SUGCT: variants seen among roughly 807,000 people sequenced by gnomAD.
The protein encoded by SUGCT is succinyl-CoA:glutarate CoA-transferase.
Under a neutral mutation model 55.0 loss-of-function variants are expected in SUGCT, and 41 were observed. The observed-to-expected ratio is 0.74, with a 90% CI of 0.58 to 0.97. The LOEUF is 0.97. Ranked by LOEUF, SUGCT falls within the 50% of genes least tolerant of loss-of-function variation. The probability of loss-of-function intolerance (pLI) is 0.00; values close to 1 mark genes in which losing one functional copy is unlikely to be tolerated. For missense variants in SUGCT, 568 were observed against 547.8 expected (o/e 1.04, Z -0.37); for synonymous variants, 187 against 200.4 (o/e 0.93, Z 0.56).
At chr7:40,339,151 G>A (rs1436318644) in intron 9 of SUGCT, among the ~76,000 whole-genome samples, 1 of 152,172 alleles carries the variant, frequency 6.6e-6, no homozygotes, top group Non-Finnish European at 1.5e-5. Context: ...GTGTCAGTCT[G>A]CCCCTACTGG....
intron 9 of SUGCT, among the ~76,000 whole-genome samples, chr7:40,375,613 T>A (rs1245861565): frequency 2.0e-5 from 3 of 152,184 alleles, no homozygotes; most frequent in Non-Finnish European, 4.4e-5. Flanking sequence ...TATCCCTCAT[T>A]TGAGAGATTG....
At chr7:40,181,873 G>A (rs1271081898) in intron 2 of SUGCT, 82 bp from the exon 3 acceptor site, 31 of 856,480 alleles carry the variant, frequency 3.6e-5, no homozygotes, top group Non-Finnish European at 5.1e-5. Flanking sequence ...GAGCGTGTCT[G>A]TGTTGACGGG....
At chr7:40,983,719 CTCTG>C in the SUGCT span, among the ~76,000 whole-genome samples, 1 of 152,140 alleles carries the variant, frequency 6.6e-6, no homozygotes, top group Non-Finnish European at 1.5e-5. Context: ...AAGATCTATG[CTCTG>C]TCTATGAACA....
At chr7:40,289,786 T>C (rs1372140713) in intron 8 of SUGCT, among the ~76,000 whole-genome samples, 1 of 152,180 alleles carries the variant, frequency 6.6e-6, no homozygotes, top group Non-Finnish European at 1.5e-5. Context: ...CTCCTTAAGC[T>C]GATAAGCTAC....
chr7:40,181,545 A>G (rs927216572), intron 2 of SUGCT, among the ~76,000 whole-genome samples: 8 of 152,032 alleles, frequency 5.3e-5, no homozygotes, highest in African/African-American at 1.9e-4. Context: ...GGAGATCGAG[A>G]CCATCCTGGC....
intron 9 of SUGCT, among the ~76,000 whole-genome samples, chr7:40,413,318 A>G (rs1786794687): frequency 6.6e-6 from 1 of 152,094 alleles, no homozygotes; most frequent in Admixed American, 6.5e-5. Flanking sequence ...CTCCTCAAGA[A>G]TACTGCTTGG....
intron 12 of SUGCT, chr7:40,538,362 A>G (rs569019095): frequency 2.0e-5 from 3 of 152,306 alleles, no homozygotes; most frequent in South Asian, 2.1e-4. Flanking sequence ...ATGTCCTGGT[A>G]TGGAAGAAAT....
chr7:41,038,405 G>A, the SUGCT span, among the ~76,000 whole-genome samples: 1 of 152,234 alleles, frequency 6.6e-6, no homozygotes, highest in Non-Finnish European at 1.5e-5. Flanking sequence ...AAGCCCAAGG[G>A]AGGCTCCCAT....
At chr7:40,228,013 G>T (rs1358000221) in intron 6 of SUGCT, among the ~76,000 whole-genome samples, 1 of 152,002 alleles carries the variant, frequency 6.6e-6, no homozygotes, top group Non-Finnish European at 1.5e-5. Context: ...CTCCCAAATA[G>T]CTGGGATTAC....
At position 40,386,730 on chromosome 7, in the gene SUGCT, C is replaced by T. The variant is rs541051203; in HGVS notation, c.817-62557C>T. Among the ~76,000 whole-genome samples, 5 of 152,246 alleles carry T rather than the reference C, an allele frequency of 3.3e-5. No homozygotes were observed. In the South Asian group the frequency reaches 1.0e-3, roughly 32 times the overall value. ...ACTGTGATGGGGTTGGGACTGTTGT[C>T]CCAGGGGTGTGAGAAAGTAGTGGGC... On this transcript the variant is annotated intron_variant, in intron 9 of 13. Transcript: ENST00000335693.
At chr7:40,611,128 T>C (rs1798749116) in intron 12 of SUGCT, among the ~76,000 whole-genome samples, 1 of 148,750 alleles carries the variant, frequency 6.7e-6, no homozygotes, top group African/African-American at 2.6e-5. Context: ...ACTCATACAG[T>C]TTTTTAGTCA....
At chr7:41,011,823 A>G in the SUGCT span, among the ~76,000 whole-genome samples, 5 of 152,212 alleles carry the variant, frequency 3.3e-5, no homozygotes, top group African/African-American at 7.2e-5. Context: ...ACATTTTTGT[A>G]TACAGATAGA....
intron 13 of SUGCT, among the ~76,000 whole-genome samples, chr7:40,807,527 G>T (rs777882096): frequency 2.0e-5 from 3 of 152,160 alleles, no homozygotes; most frequent in Non-Finnish European, 4.4e-5. Flanking sequence ...TCAAAAAGCT[G>T]AGATTTAGGA....
chr7:40,972,036 G>A, the SUGCT span, among the ~76,000 whole-genome samples: 2 of 151,036 alleles, frequency 1.3e-5, no homozygotes, highest in African/African-American at 4.9e-5. Flanking sequence ...TTTCTTTTTT[G>A]GTATGGAACC....
chr7:40,820,931 A>G (rs1382748829), intron 13 of SUGCT, among the ~76,000 whole-genome samples: 1 of 152,198 alleles, frequency 6.6e-6, no homozygotes, highest in Non-Finnish European at 1.5e-5. Flanking sequence ...ATTTTGAGAT[A>G]CGTCCCATCA....
At chr7:40,432,873 T>C (rs1301665934) in intron 9 of SUGCT, among the ~76,000 whole-genome samples, 1 of 152,100 alleles carries the variant, frequency 6.6e-6, no homozygotes, top group Non-Finnish European at 1.5e-5. Flanking sequence ...CATTATTTCT[T>C]CAAATAAGTA....
chr7:40,234,075 A>G (rs917242413), intron 6 of SUGCT, among the ~76,000 whole-genome samples: 23 of 152,216 alleles, frequency 1.5e-4, no homozygotes, highest in Non-Finnish European at 5.9e-5. Flanking sequence ...AAGCTGAACA[A>G]AAAGAGAATT....
intron 9 of SUGCT, among the ~76,000 whole-genome samples, chr7:40,435,950 T>TTTTC (rs1371019511): frequency 7.6e-5 from 7 of 91,778 alleles, no homozygotes; most frequent in Non-Finnish European, 2.4e-4. Context: ...CTTTTCTTTT[T>TTTTC]TTTTTTTTTT....
the SUGCT span, among the ~76,000 whole-genome samples, chr7:40,977,709 A>G: frequency 6.6e-6 from 1 of 152,174 alleles, no homozygotes. Context: ...TAGAAATCAG[A>G]TAAGGTTATT....
Sources: gnomAD v4.1 joint callset for allele counts (sites outside exome capture counted in the v4.1 genomes callset) on GRCh38, gnomAD v4.1.1 for gene constraint, MANE v1.5 for transcripts, NCBI Gene and HGNC (gene_info 2026-07-23, HGNC 2026-07-21) for gene names.